The following NVL variants were observed in gnomAD, a reference collection of about 807,000 sequenced individuals.
The protein encoded by NVL is nuclear valosin-containing protein-like.
A neutral mutation model predicts 110.2 loss-of-function variants in NVL; 84 were observed. The ratio of observed to expected loss-of-function variants is 0.76; its 90% confidence interval spans 0.64 to 0.91. The LOEUF is 0.91. Ranked by LOEUF, NVL falls within the 40% of genes least tolerant of loss-of-function variation. The pLI, the probability that NVL is intolerant of heterozygous loss-of-function variation, is 0.00. For missense variants in NVL, 882 were observed against 1,035.9 expected (o/e 0.85, Z 2.04); for synonymous variants, 354 against 361.1 (o/e 0.98, Z 0.22).
intron 2 of NVL, among the ~76,000 whole-genome samples, chr1:224,320,550 G>A (rs1670541604): frequency 1.3e-5 from 2 of 152,226 alleles, no homozygotes; most frequent in East Asian, 3.9e-4. Context: ...GGGAGGCTGA[G>A]GCAGGAGTAT....
intron 19 of NVL, among the ~76,000 whole-genome samples, chr1:224,248,497 T>C (rs1662109969): frequency 6.6e-6 from 1 of 152,192 alleles, no homozygotes; most frequent in African/African-American, 2.4e-5. Context: ...TCGGGGTGAT[T>C]TTTAGGAACA....
intron 1 of NVL, among the ~76,000 whole-genome samples, chr1:224,329,168 G>A (rs1671437069): frequency 6.6e-6 from 1 of 152,106 alleles, no homozygotes; most frequent in African/African-American, 2.4e-5. Context: ...TTATGATTGT[G>A]CCCATAAACA....
At chr1:224,288,657 T>A (rs1057026725) in intron 13 of NVL, among the ~76,000 whole-genome samples, 1 of 152,182 alleles carries the variant, frequency 6.6e-6, no homozygotes, top group Non-Finnish European at 1.5e-5. Flanking sequence ...AAGATCTGGA[T>A]TGAAGCCCCT....
At position 224,281,002 on chromosome 1, in the gene NVL, G is replaced by T; in HGVS notation, c.1962+121C>A. The T allele has an allele frequency of 1.2e-6, 1 of 867,692 alleles. No homozygotes were observed. Among genetic ancestry groups the T allele is most frequent in the Non-Finnish European group, 1.9e-6 (1 of 533,468 alleles). 53.7% of individuals were successfully genotyped at this position (867,692 alleles called of 1,614,324 possible). A position where few individuals can be genotyped will look rare whatever the true frequency, so the allele number is the denominator to read the frequency against. Reference sequence around the variant, plus strand: ...AAAGCTCAGCCTCCTCACTCCTACAGCACTGATTTTAAATACCAAAATACC... The same window carrying T: ...AAAGCTCAGCCTCCTCACTCCTACATCACTGATTTTAAATACCAAAATACC... On this transcript the variant is annotated intron_variant, in intron 16 of 22. Coordinates refer to ENST00000281701, the MANE Select transcript of NVL (RefSeq NM_002533.4).
At chr1:224,301,703 G>A (rs1231961859) in intron 9 of NVL, 1 of 349,104 alleles carries the variant, frequency 2.9e-6, no homozygotes, top group African/African-American at 2.3e-5. Context: ...GTGAGGCTGA[G>A]GCAGGAGGAT....
chr1:224,289,306 T>A (rs901048020), intron 13 of NVL, 178 bp downstream of exon 13: 2 of 580,194 alleles, frequency 3.4e-6, no homozygotes, highest in Non-Finnish European at 5.7e-6. Context: ...AAACTAAACA[T>A]AAAACAACTC....
At chr1:224,310,337 A>G (rs1669389742) in intron 5 of NVL, among the ~76,000 whole-genome samples, 1 of 152,106 alleles carries the variant, frequency 6.6e-6, no homozygotes, top group African/African-American at 2.4e-5. Context: ...AAGGGACTTG[A>G]GCATTTGCAG....
intron 4 of NVL, among the ~76,000 whole-genome samples, chr1:224,316,662 C>A (rs373799597): frequency 0.016 from 1,961 of 121,410 alleles, no homozygotes; most frequent in Non-Finnish European, 0.019. Flanking sequence ...AACCCTGTCT[C>A]AAAAAAAAAA....
At chr1:224,233,908 G>A (rs1251284787) in intron 20 of NVL, among the ~76,000 whole-genome samples, 1 of 152,002 alleles carries the variant, frequency 6.6e-6, no homozygotes, top group Non-Finnish European at 1.5e-5. Context: ...GTCATTTATG[G>A]GCTGGGCGCA....
intron 16 of NVL, among the ~76,000 whole-genome samples, chr1:224,278,590 C>T (rs1351340633): frequency 6.6e-6 from 1 of 152,072 alleles, no homozygotes; most frequent in Non-Finnish European, 1.5e-5. Context: ...TCCCCCTACC[C>T]ACCCGTTAAA....
intron 18 of NVL, among the ~76,000 whole-genome samples, chr1:224,265,749 A>G (rs892000325): frequency 1.3e-5 from 2 of 152,220 alleles, no homozygotes; most frequent in Admixed American, 6.5e-5. Flanking sequence ...AGAGTGGGTA[A>G]GTTATTACAG....
At chr1:224,281,278 TGTGTGC>T (rs1666284827) in intron 15 of NVL, 93 bp from the exon 16 acceptor site, 14 of 777,344 alleles carry the variant, frequency 1.8e-5, no homozygotes, top group African/African-American at 3.5e-5. Context: ...GAAAGGACTC[TGTGTGC>T]GTGTGTGTGT....
At position 224,274,216 on chromosome 1, in the gene NVL, G is replaced by A. The variant is rs371911521; in HGVS notation, c.2082+1123C>T. ...TGAGGCAGGAGAATCGCTTGAACCC[G>A]GGTGGCAGAGGTTGCAGTGAGCCGA... On this transcript the variant is annotated intron_variant, in intron 17 of 22. Transcript: ENST00000281701. Among the ~76,000 whole-genome samples, 65 of 142,158 alleles carry A rather than the reference G, an allele frequency of 4.6e-4. No individual in the cohort carries two copies. In the East Asian group the frequency reaches 0.01, roughly 23 times the overall value. The allele number at this position is 142,158 out of a possible 152,430, so 93.3% of individuals were successfully genotyped here. A position where few individuals can be genotyped will look rare whatever the true frequency, so the allele number is the denominator to read the frequency against.
chr1:224,247,079 G>A (rs1324810791), intron 19 of NVL, among the ~76,000 whole-genome samples: 2 of 150,556 alleles, frequency 1.3e-5, no homozygotes, highest in African/African-American at 2.5e-5. Flanking sequence ...AAAAAACAGA[G>A]CCAACGAAAG....
intron 2 of NVL, among the ~76,000 whole-genome samples, chr1:224,325,408 C>G (rs1671050759): frequency 6.9e-6 from 1 of 144,112 alleles, no homozygotes; most frequent in Non-Finnish European, 1.5e-5. Flanking sequence ...CCTGTCTCCA[C>G]AAAAAATAAA....
intron 13 of NVL, among the ~76,000 whole-genome samples, chr1:224,288,950 CATGGA>C (rs1316993436): frequency 6.6e-6 from 1 of 152,202 alleles, no homozygotes; most frequent in East Asian, 1.9e-4. Flanking sequence ...CAGCTACCGA[CATGGA>C]TATAGTTGTG....
intron 18 of NVL, among the ~76,000 whole-genome samples, chr1:224,259,822 C>CA (rs1663755915): frequency 7.4e-6 from 1 of 135,324 alleles, no homozygotes; most frequent in African/African-American, 2.7e-5. Context: ...ACCCAGCTAA[C>CA]TTTTTTTTTT....
At chr1:224,273,349 G>T (rs920098509) in intron 17 of NVL, among the ~76,000 whole-genome samples, 9 of 151,492 alleles carry the variant, frequency 5.9e-5, no homozygotes, top group Middle Eastern at 3.4e-3. Context: ...GGAGGCAGAG[G>T]TTGCAGTGAG....
intron 17 of NVL, among the ~76,000 whole-genome samples, chr1:224,269,305 C>T (rs1204481554): frequency 6.6e-6 from 1 of 151,352 alleles, no homozygotes; most frequent in African/African-American, 2.4e-5. Context: ...AGGCTAGTCT[C>T]GAACCCCTGA....
Sources: gnomAD v4.1 joint callset for allele counts (sites outside exome capture counted in the v4.1 genomes callset) on GRCh38, gnomAD v4.1.1 for gene constraint, MANE v1.5 for transcripts, NCBI Gene and HGNC (gene_info 2026-07-23, HGNC 2026-07-21) for gene names.